The following PCCA variants were observed in gnomAD, a reference collection of about 807,000 sequenced individuals.
PCCA encodes propionyl-CoA carboxylase subunit alpha.
In PCCA, 74 loss-of-function variants were observed where a neutral mutation model predicts 101.3. That is an observed-to-expected ratio of 0.73 (90% confidence interval 0.61 to 0.89). The LOEUF (loss-of-function observed/expected upper bound fraction) is 0.89. Among genes scored for constraint, PCCA ranks in the 40% least tolerant of loss-of-function variants. The pLI is 0.00. For synonymous variants in PCCA, 294 were observed against 313.6 expected (o/e 0.94, Z 0.66); for missense variants, 891 against 907.0 (o/e 0.98, Z 0.23).
intron 19 of PCCA, among the ~76,000 whole-genome samples, chr13:100,385,065 A>C (rs1266316504): frequency 6.6e-6 from 1 of 152,096 alleles, no homozygotes; most frequent in Non-Finnish European, 1.5e-5. Flanking sequence ...TTTTTCACTT[A>C]GTCTTTCTAC....
intron 16 of PCCA, among the ~76,000 whole-genome samples, chr13:100,318,801 A>G (rs1434346038): frequency 6.6e-6 from 1 of 152,142 alleles, no homozygotes; most frequent in Admixed American, 6.5e-5. Context: ...TAACGTGTGC[A>G]TGTGTCTTTA....
chr13:100,431,156 A>G (rs1184419025), intron 20 of PCCA, among the ~76,000 whole-genome samples: 2 of 152,018 alleles, frequency 1.3e-5, no homozygotes, highest in Admixed American at 1.3e-4. Context: ...TTTAGATGGC[A>G]TCTCATTATG....
intron 7 of PCCA, among the ~76,000 whole-genome samples, chr13:100,211,024 T>C (rs2059180001): frequency 6.6e-6 from 1 of 152,254 alleles, no homozygotes; most frequent in Non-Finnish European, 1.5e-5. Context: ...ATGGTTTTAC[T>C]GATTATCTTT....
At chr13:100,323,716 ATT>A (rs1302757267) in intron 16 of PCCA, among the ~76,000 whole-genome samples, 2 of 152,110 alleles carry the variant, frequency 1.3e-5, no homozygotes, top group African/African-American at 4.8e-5. Context: ...TATTAATTAC[ATT>A]TTGTCTCATG....
chr13:100,493,158 C>T (rs2085025375), intron 21 of PCCA, among the ~76,000 whole-genome samples: 1 of 152,236 alleles, frequency 6.6e-6, no homozygotes, highest in African/African-American at 2.4e-5. Context: ...GTGCTCACCC[C>T]AGCTCCTACA....
At chr13:100,429,229 C>G (rs1229406017) in intron 20 of PCCA, among the ~76,000 whole-genome samples, 1 of 151,966 alleles carries the variant, frequency 6.6e-6, no homozygotes, top group Non-Finnish European at 1.5e-5. Flanking sequence ...CCTGACTCCC[C>G]CTTTTCTCTC....
intron 21 of PCCA, among the ~76,000 whole-genome samples, chr13:100,456,756 A>G (rs7997975): frequency 1.4e-3 from 211 of 152,312 alleles, no homozygotes; most frequent in African/African-American, 4.9e-3. Context: ...GCTATCTACT[A>G]CGAGCTTCAA....
chr13:100,246,027 G>T (rs1472226976), intron 8 of PCCA, among the ~76,000 whole-genome samples: 1 of 152,164 alleles, frequency 6.6e-6, no homozygotes. Context: ...TTTTTTAGTT[G>T]TTCCAAGTTC....
chr13:100,477,022 C>T (rs1036775924), intron 21 of PCCA, among the ~76,000 whole-genome samples: 3 of 152,166 alleles, frequency 2.0e-5, no homozygotes, highest in Admixed American at 1.3e-4. Context: ...ATAGTTACTA[C>T]TTCAGTAATT....
At chr13:100,412,283 C>T (rs1824602954) in intron 19 of PCCA, among the ~76,000 whole-genome samples, 1 of 152,146 alleles carries the variant, frequency 6.6e-6, no homozygotes, top group Non-Finnish European at 1.5e-5. Context: ...GGTCCTTGTA[C>T]TTGGGAATAA....
chr13:100,331,789 G>T (rs562087034), intron 17 of PCCA, among the ~76,000 whole-genome samples: 49 of 151,246 alleles, frequency 3.2e-4, no homozygotes, highest in African/African-American at 1.1e-3. Flanking sequence ...TTTAATATTT[G>T]TTGGTTTAAT....
intron 20 of PCCA, among the ~76,000 whole-genome samples, chr13:100,444,737 G>A (rs930711747): frequency 1.8e-4 from 27 of 152,064 alleles, no homozygotes; most frequent in Admixed American, 1.4e-3. Context: ...CACTGCACCC[G>A]GTGGTTTTGA....
chr13:100,158,782 G>A (rs1445874289), intron 6 of PCCA, among the ~76,000 whole-genome samples: 2 of 152,058 alleles, frequency 1.3e-5, no homozygotes, highest in Admixed American at 6.6e-5. Flanking sequence ...ACACAGCCAT[G>A]CTCTTTCATT....
intron 11 of PCCA, among the ~76,000 whole-genome samples, chr13:100,271,664 A>G (rs1349245070): frequency 6.6e-6 from 1 of 152,212 alleles, no homozygotes; most frequent in Admixed American, 6.5e-5. Context: ...CAGCTGTATA[A>G]AGATATTTAT....
At chr13:100,254,944 G>A (rs1477678799) in intron 8 of PCCA, among the ~76,000 whole-genome samples, 5 of 151,952 alleles carry the variant, frequency 3.3e-5, no homozygotes, top group Admixed American at 6.6e-5. Flanking sequence ...AAATTAGCTG[G>A]GTGTGTTGGG....
At chr13:100,384,788 C>G (rs1567044014) in intron 19 of PCCA, among the ~76,000 whole-genome samples, 1 of 151,918 alleles carries the variant, frequency 6.6e-6, no homozygotes. Context: ...TAAAAATTAC[C>G]TATGGCTTAA....
At chr13:100,381,476 G>C (rs554547245) in intron 19 of PCCA, among the ~76,000 whole-genome samples, 1 of 152,194 alleles carries the variant, frequency 6.6e-6, no homozygotes, top group South Asian at 2.1e-4. Flanking sequence ...GGGTGCAGCT[G>C]CTTTGGAAAA....
At chr13:100,236,906 TA>T (rs1288942202) in intron 8 of PCCA, 1 of 152,242 alleles carries the variant, frequency 6.6e-6, no homozygotes, top group African/African-American at 2.4e-5. Flanking sequence ...ATCAAATCAG[TA>T]ATTGTATACA....
intron 4 of PCCA, among the ~76,000 whole-genome samples, chr13:100,140,411 T>C (rs188197446): frequency 1.7e-3 from 265 of 152,204 alleles, no homozygotes; most frequent in Middle Eastern, 3.4e-3. Flanking sequence ...CAAAAAAGAA[T>C]AGAGCAAAAG....
Sources: gnomAD v4.1 joint callset for allele counts (sites outside exome capture counted in the v4.1 genomes callset) on GRCh38, gnomAD v4.1.1 for gene constraint, MANE v1.5 for transcripts, NCBI Gene and HGNC (gene_info 2026-07-23, HGNC 2026-07-21) for gene names.